Variants in PDE4D observed in about 807,000 individuals in gnomAD.
PDE4D encodes the protein phosphodiesterase 4D.
A neutral mutation model predicts 87.4 loss-of-function variants in PDE4D; 24 were observed. The ratio of observed to expected loss-of-function variants is 0.27; its 90% CI spans 0.20 to 0.39. The LOEUF is 0.39. PDE4D is among the 10% of genes least tolerant of loss of function. The pLI is 1.00. For missense variants in PDE4D, 714 were observed against 1,041.0 expected (o/e 0.69, Z 4.32); for synonymous variants, 384 against 383.2 (o/e 1.00, Z -0.02).
chr5:59,789,473 A>G lies in PDE4D; in HGVS notation c.455+103695T>C, dbSNP rs1164793546. Among the ~76,000 whole-genome samples the G allele has an allele frequency of 2.6e-5, 4 of 152,364 alleles. No individual in the cohort carries two copies. The East Asian group carries it at 7.7e-4, about 29-fold the overall frequency. ...CCTGCGTGATGTCTACATTCCTTCCAGTGCTAAGATTCAAGATCCTCAGAT... is the reference window on the plus strand; with the variant it reads ...CCTGCGTGATGTCTACATTCCTTCCGGTGCTAAGATTCAAGATCCTCAGAT... On this transcript the variant is annotated intron_variant, in intron 1 of 14. Coordinates refer to ENST00000340635, the MANE Select transcript of PDE4D (RefSeq NM_001104631.2).
intron 5 of PDE4D, among the ~76,000 whole-genome samples, chr5:59,059,212 A>G (rs1171218173): frequency 1.3e-5 from 2 of 152,164 alleles, no homozygotes; most frequent in Non-Finnish European, 2.9e-5. Flanking sequence ...TGGTGCTTCC[A>G]TAAACCCCAC....
intron 1 of PDE4D, among the ~76,000 whole-genome samples, chr5:60,484,796 C>T (rs997251564): frequency 1.9e-4 from 28 of 150,202 alleles, no homozygotes; most frequent in African/African-American, 5.9e-4. Flanking sequence ...CTAACCCTAG[C>T]GTGATGAGCT....
At chr5:59,687,652 T>C (rs1023738129) in intron 1 of PDE4D, among the ~76,000 whole-genome samples, 3 of 152,204 alleles carry the variant, frequency 2.0e-5, no homozygotes, top group African/African-American at 7.2e-5. Flanking sequence ...AGGAAGAGAC[T>C]GCATCAACTA....
intron 1 of PDE4D, chr5:59,768,240 A>G (rs765906391): frequency 6.3e-7 from 1 of 1,598,000 alleles, no homozygotes; most frequent in East Asian, 2.2e-5. Context: ...GTCTGCGCAA[A>G]CCTTACCATG....
intron 1 of PDE4D, among the ~76,000 whole-genome samples, chr5:60,344,817 G>A (rs949738511): frequency 2.6e-5 from 4 of 151,846 alleles, no homozygotes; most frequent in Non-Finnish European, 5.9e-5. Flanking sequence ...AATTCCAACC[G>A]CATTTTGACA....
At chr5:59,130,097 T>G (rs544433516) in intron 5 of PDE4D, among the ~76,000 whole-genome samples, 2 of 152,184 alleles carry the variant, frequency 1.3e-5, no homozygotes, top group African/African-American at 2.4e-5. Flanking sequence ...CCACTAAAAT[T>G]GGAAGGACAA....
At chr5:60,427,427 G>A (rs990988368) in intron 1 of PDE4D, among the ~76,000 whole-genome samples, 31 of 152,074 alleles carry the variant, frequency 2.0e-4, no homozygotes, top group African/African-American at 7.0e-4. Flanking sequence ...AAGGAAAAAC[G>A]AAAACAAAGC....
At chr5:59,310,062 GGC>G (rs1772263132) in intron 1 of PDE4D, among the ~76,000 whole-genome samples, 1 of 152,104 alleles carries the variant, frequency 6.6e-6, no homozygotes, top group Non-Finnish European at 1.5e-5. Context: ...CATCCTGGTG[GGC>G]GACAGCAGAG....
chr5:60,450,910 C>G (rs1056586461), intron 1 of PDE4D, among the ~76,000 whole-genome samples: 1 of 152,052 alleles, frequency 6.6e-6, no homozygotes, highest in Non-Finnish European at 1.5e-5. Flanking sequence ...TGTAAGGTTA[C>G]CAGGCCATTA....
chr5:59,914,740 A>C (rs761289553), intron 3 of PDE4D, among the ~76,000 whole-genome samples: 7 of 152,012 alleles, frequency 4.6e-5, no homozygotes, highest in Admixed American at 3.3e-4. Flanking sequence ...GCAAGTGTGG[A>C]GATACATATA....
At chr5:59,861,484 A>G (rs1746278855) in intron 1 of PDE4D, among the ~76,000 whole-genome samples, 1 of 152,152 alleles carries the variant, frequency 6.6e-6, no homozygotes, top group Admixed American at 6.5e-5. Flanking sequence ...ATTCCCCCCA[A>G]ACTACCAGTT....
chr5:59,693,787 A>C (rs1329289886), intron 1 of PDE4D, among the ~76,000 whole-genome samples: 1 of 152,222 alleles, frequency 6.6e-6, no homozygotes, highest in Non-Finnish European at 1.5e-5. Context: ...GTTCTGTTTA[A>C]CATTAGATCT....
At chr5:60,408,905 C>A (rs528132986) in intron 1 of PDE4D, among the ~76,000 whole-genome samples, 1 of 152,136 alleles carries the variant, frequency 6.6e-6, no homozygotes, top group African/African-American at 2.4e-5. Flanking sequence ...TGTTAATAAT[C>A]ATAATGATTC....
intron 1 of PDE4D, among the ~76,000 whole-genome samples, chr5:60,267,180 G>A (rs1750305634): frequency 6.6e-6 from 1 of 152,108 alleles, no homozygotes; most frequent in Admixed American, 6.5e-5. Context: ...GGAAAGGATT[G>A]GAAAATATAC....
chr5:59,255,734 A>G (rs552958502), intron 1 of PDE4D, among the ~76,000 whole-genome samples: 2 of 152,268 alleles, frequency 1.3e-5, no homozygotes, highest in South Asian at 4.1e-4. Flanking sequence ...GAGGAAGAGA[A>G]TAGAATTTAT....
At chr5:60,124,418 C>T (rs1265852335) in intron 2 of PDE4D, among the ~76,000 whole-genome samples, 1 of 152,156 alleles carries the variant, frequency 6.6e-6, no homozygotes, top group African/African-American at 2.4e-5. Context: ...TTTTTAACAG[C>T]TTCTGCTCTA....
At chr5:59,869,955 G>A (rs569550143) in intron 1 of PDE4D, among the ~76,000 whole-genome samples, 14 of 152,216 alleles carry the variant, frequency 9.2e-5, no homozygotes, top group African/African-American at 2.2e-4. Flanking sequence ...TCACCTGCCC[G>A]GAGTCCAGCT....
At chr5:59,866,212 C>T (rs1747015066) in intron 1 of PDE4D, among the ~76,000 whole-genome samples, 1 of 152,096 alleles carries the variant, frequency 6.6e-6, no homozygotes, top group Non-Finnish European at 1.5e-5. Flanking sequence ...GACAGGACTC[C>T]TATACATACT....
intron 1 of PDE4D, among the ~76,000 whole-genome samples, chr5:59,446,135 T>C (rs994114181): frequency 6.6e-6 from 1 of 152,218 alleles, no homozygotes; most frequent in Non-Finnish European, 1.5e-5. Context: ...TTGTGCTATA[T>C]GTATACACAT....
Sources: allele counts gnomAD v4.1 joint callset (sites outside exome capture counted in the v4.1 genomes callset), GRCh38; gene constraint gnomAD v4.1.1; transcripts MANE v1.5; gene names NCBI Gene and HGNC (gene_info 2026-07-23, HGNC 2026-07-21).